PEX14: variants seen among roughly 807,000 people sequenced by gnomAD.
The protein encoded by PEX14 is peroxisomal biogenesis factor 14, also known as peroxisomal membrane protein PEX14.
In PEX14, 15 loss-of-function variants were observed where a neutral mutation model predicts 49.5. The ratio of observed to expected loss-of-function variants is 0.30; its 90% CI spans 0.20 to 0.47. PEX14 has a LOEUF of 0.47. PEX14 is among the 20% of genes least tolerant of loss of function. The pLI is 1.00. For synonymous variants in PEX14, 210 were observed against 212.7 expected (o/e 0.99, Z 0.11); for missense variants, 398 against 494.8 (o/e 0.80, Z 1.86).
intron 2 of PEX14, among the ~76,000 whole-genome samples, chr1:10,532,933 T>C (rs1482167793): frequency 1.3e-5 from 2 of 152,168 alleles, no homozygotes; most frequent in Admixed American, 6.5e-5. Context: ...AGTTATTTAG[T>C]GTGTGAAGAT....
chr1:10,587,920 T>A (rs10864466), intron 3 of PEX14, among the ~76,000 whole-genome samples: 31,063 of 63,338 alleles, frequency 0.49, 8,677 homozygotes, highest in Non-Finnish European at 0.52. Flanking sequence ...TTTTTTTTTT[T>A]AAAAAAAAAA....
chr1:10,547,637 A>T (rs1639215226), intron 3 of PEX14, among the ~76,000 whole-genome samples: 1 of 152,220 alleles, frequency 6.6e-6, no homozygotes, highest in Non-Finnish European at 1.5e-5. Flanking sequence ...AATAAAATTG[A>T]ACAGTTAAAA....
intron 3 of PEX14, among the ~76,000 whole-genome samples, chr1:10,562,946 C>G (rs1485783627): frequency 1.4e-5 from 2 of 144,250 alleles, no homozygotes; most frequent in South Asian, 2.2e-4. Context: ...GAGTCTCTCT[C>G]TGTCGCCCAG....
chr1:10,545,926 T>C (rs1397292447), intron 3 of PEX14, among the ~76,000 whole-genome samples: 1 of 152,060 alleles, frequency 6.6e-6, no homozygotes, highest in African/African-American at 2.4e-5. Flanking sequence ...ATGCCTGTGG[T>C]TCCAGCTACT....
intron 3 of PEX14, among the ~76,000 whole-genome samples, chr1:10,562,518 A>C (rs1415608222): frequency 1.3e-5 from 2 of 152,132 alleles, no homozygotes; most frequent in Non-Finnish European, 2.9e-5. Context: ...CCAGTTTTGT[A>C]CACTGTACTT....
At chr1:10,482,048 C>T (rs1428117890) in intron 1 of PEX14, among the ~76,000 whole-genome samples, 1 of 152,144 alleles carries the variant, frequency 6.6e-6, no homozygotes, top group Non-Finnish European at 1.5e-5. Context: ...TGGTCTTGAA[C>T]TCCTGAGCTC....
At position 10,561,139 on chromosome 1, in the gene PEX14, G is replaced by A. The variant is rs567981474; in HGVS notation, c.169+24842G>A. On this transcript the variant is annotated intron_variant, in intron 3 of 8. Transcript: ENST00000356607. ...TGACACTTCACCTGTAATTACTTCA[G>A]CATATACCTCCTCAGATACGGCCAT... 3.3e-5 allele frequency among the ~76,000 whole-genome samples: 5 copies of A among 152,196 alleles called. No homozygotes were observed. The East Asian group carries it at 9.6e-4, about 29-fold the overall frequency.
At chr1:10,531,784 A>G (rs1279497547) in intron 2 of PEX14, among the ~76,000 whole-genome samples, 2 of 152,172 alleles carry the variant, frequency 1.3e-5, no homozygotes, top group African/African-American at 2.4e-5. Flanking sequence ...ACTGGAGACA[A>G]TGCATCAGGT....
rs74052157 is a variant in PEX14 at position 10,623,109 on chromosome 1, G to A, written c.475G>A (p.Val159Met). ...CGGTCTCTCTGAGCTGAGTGGCAGC[G>A]TGGCCCAGACAGGTAAAGATTAATG... ...EAGLSELSGSVAQTVTQLQTT... is the reference protein window; with the variant it reads ...EAGLSELSGSMAQTVTQLQTT... The change falls in exon 6 of 9, where the codon GTG becomes ATG. Residue 159 changes from valine (V) to methionine (M), a missense_variant. Physicochemically the swap from Val to Met is conservative, Grantham distance 21. Coordinates refer to ENST00000356607, the MANE Select transcript of PEX14 (RefSeq NM_004565.3). This position sits in a 1 kb window ranked among gnomAD's most constrained non-coding sequence, Gnocchi z 4.4. 6,652 of 1,612,464 alleles carry A rather than the reference G, an allele frequency of 4.1e-3. 224 individuals carry two copies. In the African/African-American group the frequency reaches 0.077, roughly 19 times the overall value.
chr1:10,478,844 C>T (rs1343044837), intron 1 of PEX14, among the ~76,000 whole-genome samples: 9 of 151,784 alleles, frequency 5.9e-5, no homozygotes, highest in South Asian at 2.1e-4. Flanking sequence ...CTCTCGGGTT[C>T]GAACCATTCT....
intron 4 of PEX14, among the ~76,000 whole-genome samples, chr1:10,603,744 A>G (rs1327999696): frequency 1.3e-5 from 2 of 152,228 alleles, no homozygotes; most frequent in East Asian, 3.8e-4. Context: ...GAGACCAAGA[A>G]GCTTTGAGAT....
intron 3 of PEX14, among the ~76,000 whole-genome samples, chr1:10,550,947 T>A (rs528519833): frequency 1.3e-5 from 2 of 152,358 alleles, no homozygotes; most frequent in African/African-American, 2.4e-5. Context: ...CTGCCTTCCA[T>A]GAGGGCTTTC....
At chr1:10,588,601 A>G (rs1260638546) in intron 3 of PEX14, among the ~76,000 whole-genome samples, 2 of 152,148 alleles carry the variant, frequency 1.3e-5, no homozygotes, top group Non-Finnish European at 2.9e-5. Context: ...CTGCTGTCCT[A>G]CCTGAGATGT....
intron 2 of PEX14, among the ~76,000 whole-genome samples, chr1:10,497,269 G>T (rs992043197): frequency 1.3e-5 from 2 of 152,160 alleles, no homozygotes; most frequent in Non-Finnish European, 2.9e-5. Flanking sequence ...AGAGGAGCCC[G>T]CTGAGGACTC....
intron 3 of PEX14, among the ~76,000 whole-genome samples, chr1:10,560,079 C>T (rs939077904): frequency 2.9e-4 from 43 of 150,824 alleles, no homozygotes; most frequent in East Asian, 1.2e-3. Flanking sequence ...TTTTTTGAGA[C>T]GGAGTTTCAC....
At chr1:10,574,484 A>C (rs928741751) in intron 3 of PEX14, among the ~76,000 whole-genome samples, 3 of 152,226 alleles carry the variant, frequency 2.0e-5, no homozygotes, top group African/African-American at 7.2e-5. Flanking sequence ...AATTTTGCAT[A>C]TTAAACCATG....
intron 3 of PEX14, among the ~76,000 whole-genome samples, chr1:10,562,918 TC>T (rs138632785): frequency 8.7e-5 from 13 of 148,908 alleles, no homozygotes; most frequent in Admixed American, 6.9e-5. Context: ...TTCTTTCTTT[TC>T]TTTTTTTTTA....
At chr1:10,550,378 T>G (rs974457953) in intron 3 of PEX14, among the ~76,000 whole-genome samples, 1 of 152,206 alleles carries the variant, frequency 6.6e-6, no homozygotes, top group African/African-American at 2.4e-5. Context: ...AGTTCTATTC[T>G]CCCAGTCTAG....
At position 10,514,153 on chromosome 1, in the gene PEX14, C is replaced by CCT. The variant is rs202037668; in HGVS notation, c.84+18835_84+18836dup. On this transcript the variant is annotated intron_variant, in intron 2 of 8. Transcript: ENST00000356607. The surrounding 1 kb of genome is among the most constrained non-coding windows in gnomAD (Gnocchi z 4.4). ...GAAAAAATGTATAAAATAATCTATG[C>CCT]CTCTGTGTGTGTGTGTGTGTGTGTG... 6.2e-3 allele frequency among the ~76,000 whole-genome samples: 570 copies of CCT among 91,968 alleles called. 8 individuals are homozygous for CCT. Among genetic ancestry groups the CCT allele is most frequent in the African/African-American group, 0.026 (542 of 21,246 alleles). The allele number at this position is 91,968 out of a possible 152,430, so 60.3% of individuals were successfully genotyped here. A position where few individuals can be genotyped will look rare whatever the true frequency, so the allele number is the denominator to read the frequency against.
Sources: allele counts gnomAD v4.1 joint callset (sites outside exome capture counted in the v4.1 genomes callset), GRCh38; gene constraint gnomAD v4.1.1; non-coding constraint Gnocchi (gnomAD v3.1); transcripts MANE v1.5; gene names NCBI Gene and HGNC (gene_info 2026-07-23, HGNC 2026-07-21).